Variants in BRINP3 observed in about 807,000 individuals in gnomAD.
BRINP3 encodes the protein BMP/retinoic acid-inducible neural-specific protein 3.
A neutral mutation model predicts 71.0 loss-of-function variants in BRINP3; 19 were observed. That is an observed-to-expected ratio of 0.27 (90% CI 0.19 to 0.39). BRINP3 has a LOEUF of 0.39. BRINP3 is among the 10% of genes least tolerant of loss of function. BRINP3 has a pLI of 1.00. For missense variants in BRINP3, 959 were observed against 940.8 expected, an observed-to-expected ratio of 1.02 and a Z score of -0.25; for synonymous variants, 380 against 337.7, an observed-to-expected ratio of 1.13 and a Z score of -1.37.
chr1:190,329,045 G>A (rs1345287185), intron 2 of BRINP3, among the ~76,000 whole-genome samples: 1 of 151,982 alleles, frequency 6.6e-6, no homozygotes. Flanking sequence ...AGCCATACGT[G>A]ACAAACCCAC....
rs184022377 is a variant in BRINP3, at chr1:190,234,803, G to A, written c.619-326C>T. Among the ~76,000 whole-genome samples, 121 of 152,192 alleles carry A rather than the reference G, an allele frequency of 8.0e-4. 1 individual carries two copies. Among genetic ancestry groups the A allele is most frequent in the African/African-American group, 2.6e-3 (110 of 41,542 alleles). ...GCCCACTCCTTATGGAAGACAGCGAGTTCTGACTTATATGAGAATTGTTTG... is the reference window on the plus strand; with the variant it reads ...GCCCACTCCTTATGGAAGACAGCGAATTCTGACTTATATGAGAATTGTTTG... On this transcript the variant is annotated intron_variant, in intron 4 of 7. Coordinates refer to ENST00000367462, the MANE Select transcript of BRINP3 (RefSeq NM_199051.3).
intron 6 of BRINP3, among the ~76,000 whole-genome samples, chr1:190,193,934 T>C (rs973958162): frequency 2.6e-5 from 4 of 152,074 alleles, no homozygotes; most frequent in African/African-American, 9.7e-5. Flanking sequence ...ACTAACCAAC[T>C]TTCCCCTAAA....
chr1:190,403,845 C>A (rs1672095053), intron 2 of BRINP3, among the ~76,000 whole-genome samples: 1 of 152,140 alleles, frequency 6.6e-6, no homozygotes, highest in Non-Finnish European at 1.5e-5. Flanking sequence ...ACTTTTCATT[C>A]CTTCAAACAA....
At chr1:190,459,135 C>T (rs200251726) in intron 1 of BRINP3, among the ~76,000 whole-genome samples, 1 of 96,250 alleles carries the variant, frequency 1.0e-5, no homozygotes, top group African/African-American at 3.5e-5. Context: ...TTCTTTCTCA[C>T]AAAAAAAAAA....
intron 2 of BRINP3, among the ~76,000 whole-genome samples, chr1:190,292,554 G>A (rs1439071727): frequency 6.6e-6 from 1 of 152,014 alleles, no homozygotes; most frequent in Non-Finnish European, 1.5e-5. Flanking sequence ...AGGCTGAGAA[G>A]GGAAGGGAGA....
intron 6 of BRINP3, among the ~76,000 whole-genome samples, chr1:190,165,930 A>G (rs1409307603): frequency 1.3e-5 from 2 of 152,002 alleles, no homozygotes; most frequent in East Asian, 1.9e-4. Context: ...CTAATACACA[A>G]ATTTTGACCC....
chr1:190,161,086 T>C lies in BRINP3; in HGVS notation c.962-196A>G, dbSNP rs189107198. On this transcript the variant is annotated intron_variant, in intron 6 of 7. Transcript: ENST00000367462. The stretch of plus-strand genomic sequence containing the variant: ...TTAGATGCTTTAGAATTATCTTCTT[T>C]GCTGTTCCCTTTAAAATAGAACTTT... 1.9e-3 allele frequency among the ~76,000 whole-genome samples: 291 copies of C among 152,246 alleles called. 1 individual carries two copies. Among genetic ancestry groups the C allele is most frequent in the African/African-American group, 6.2e-3 (258 of 41,576 alleles).
intron 2 of BRINP3, among the ~76,000 whole-genome samples, chr1:190,399,642 G>A (rs541960353): frequency 3.3e-5 from 5 of 151,918 alleles, no homozygotes; most frequent in Admixed American, 6.6e-5. Context: ...TCCTTGTGTC[G>A]ACCACCATGT....
chr1:190,163,024 A>G (rs759341904), intron 6 of BRINP3, among the ~76,000 whole-genome samples: 2 of 152,114 alleles, frequency 1.3e-5, no homozygotes, highest in Admixed American at 1.3e-4. Flanking sequence ...AGATGTTAAA[A>G]CTAACATCTT....
At chr1:190,454,572 C>T in intron 2 of BRINP3, 83 bp downstream of exon 2, 1 of 1,116,818 alleles carries the variant, frequency 9.0e-7, no homozygotes, top group Non-Finnish European at 1.3e-6. Context: ...TTTTTCCCGT[C>T]TGAAACTTTC....
intron 6 of BRINP3, among the ~76,000 whole-genome samples, chr1:190,202,475 C>T (rs141018902): frequency 1.3e-4 from 20 of 152,110 alleles, no homozygotes; most frequent in African/African-American, 4.8e-4. Flanking sequence ...CTTTACAGGA[C>T]TGTTGGGAAG....
chr1:190,142,974 T>C (rs1243742969), intron 7 of BRINP3, among the ~76,000 whole-genome samples: 1 of 152,150 alleles, frequency 6.6e-6, no homozygotes, highest in African/African-American at 2.4e-5. Flanking sequence ...TATTAGAATT[T>C]TGGCTTGAGT....
intron 1 of BRINP3, among the ~76,000 whole-genome samples, chr1:190,468,657 G>A (rs915911054): frequency 1.3e-5 from 2 of 150,990 alleles, no homozygotes; most frequent in African/African-American, 4.8e-5. Context: ...CACTTAATAA[G>A]ACAATAATCT....
At chr1:190,462,290 A>G (rs920962540) in intron 1 of BRINP3, among the ~76,000 whole-genome samples, 17 of 152,302 alleles carry the variant, frequency 1.1e-4, no homozygotes, top group Middle Eastern at 3.4e-3. Context: ...AGCTTTGGAC[A>G]TAACAATAAG....
intron 1 of BRINP3, among the ~76,000 whole-genome samples, chr1:190,471,057 G>T (rs1425836393): frequency 6.6e-6 from 1 of 151,152 alleles, no homozygotes; most frequent in Non-Finnish European, 1.5e-5. Context: ...AATTGGATAG[G>T]TCTGCAGGTG....
At chr1:190,258,155 C>G (rs1318690419) in intron 4 of BRINP3, among the ~76,000 whole-genome samples, 1 of 152,212 alleles carries the variant, frequency 6.6e-6, no homozygotes, top group Non-Finnish European at 1.5e-5. Flanking sequence ...TCAAGCTTCC[C>G]CAGCTGCTTT....
At chr1:190,145,944 G>T (rs1214489270) in intron 7 of BRINP3, among the ~76,000 whole-genome samples, 1 of 152,120 alleles carries the variant, frequency 6.6e-6, no homozygotes, top group African/African-American at 2.4e-5. Context: ...AAGTGAAGTT[G>T]CTCAGGAATG....
intron 2 of BRINP3, among the ~76,000 whole-genome samples, chr1:190,292,359 TA>T (rs200189459): frequency 6.6e-6 from 1 of 151,646 alleles, no homozygotes; most frequent in South Asian, 2.1e-4. Flanking sequence ...AAATATAAAA[TA>T]AAAAAAATGA....
At chr1:190,364,240 A>G (rs949707781) in intron 2 of BRINP3, among the ~76,000 whole-genome samples, 8 of 152,032 alleles carry the variant, frequency 5.3e-5, no homozygotes, top group East Asian at 1.9e-4. Context: ...TAAGTATTTT[A>G]TAATGTTTTT....
Sources: allele counts gnomAD v4.1 joint callset (sites outside exome capture counted in the v4.1 genomes callset), GRCh38; gene constraint gnomAD v4.1.1; transcripts MANE v1.5; gene names NCBI Gene and HGNC (gene_info 2026-07-23, HGNC 2026-07-21).